Variants in TCF7L2 observed in about 807,000 individuals in gnomAD.
TCF7L2 encodes transcription factor 7 like 2.
In TCF7L2, 23 loss-of-function variants were observed where a neutral mutation model predicts 77.9. The ratio of observed to expected loss-of-function variants is 0.30; its 90% CI spans 0.21 to 0.42. The LOEUF is 0.42. Among genes scored for constraint, TCF7L2 ranks in the 10% least tolerant of loss-of-function variants. The pLI is 1.00. For missense variants in TCF7L2, 654 were observed against 793.1 expected (o/e 0.82, Z 2.11); for synonymous variants, 413 against 340.2 (o/e 1.21, Z -2.36).
chr10:112,975,527 G>C (rs1177486223), intron 4 of TCF7L2, among the ~76,000 whole-genome samples: 12 of 151,918 alleles, frequency 7.9e-5, no homozygotes, highest in Non-Finnish European at 1.5e-5. Context: ...TATTGCTTAG[G>C]CTGGAGTGCA....
chr10:112,954,412 A>C (rs2032940480), intron 3 of TCF7L2, among the ~76,000 whole-genome samples: 1 of 152,246 alleles, frequency 6.6e-6, no homozygotes, highest in South Asian at 2.1e-4. Context: ...TATGATGAAT[A>C]ATACATTATC....
At chr10:113,054,979 T>C (rs2055132605) in intron 5 of TCF7L2, among the ~76,000 whole-genome samples, 1 of 152,230 alleles carries the variant, frequency 6.6e-6, no homozygotes, top group African/African-American at 2.4e-5. Flanking sequence ...TAGTATTTAT[T>C]GTATGCATAT....
intron 4 of TCF7L2, among the ~76,000 whole-genome samples, chr10:113,014,798 A>C (rs2047062686): frequency 6.6e-6 from 1 of 152,084 alleles, no homozygotes; most frequent in South Asian, 2.1e-4. Context: ...AAAAACAAAC[A>C]AACAAACAAA....
chr10:113,052,495 CT>C (rs2054645426), intron 5 of TCF7L2, among the ~76,000 whole-genome samples: 1 of 152,200 alleles, frequency 6.6e-6, no homozygotes, highest in East Asian at 1.9e-4. Flanking sequence ...CAAAAGTTCT[CT>C]GACTCACCAT....
chr10:113,069,738 T>C (rs1319615020), intron 5 of TCF7L2, among the ~76,000 whole-genome samples: 1 of 152,194 alleles, frequency 6.6e-6, no homozygotes, highest in Non-Finnish European at 1.5e-5. Context: ...GGCCCCTCGC[T>C]GGATGTTTCA....
chr10:112,951,682 C>G, intron 3 of TCF7L2, 75 bp downstream of exon 3: 2 of 890,836 alleles, frequency 2.2e-6, no homozygotes, highest in Non-Finnish European at 2.7e-6. Flanking sequence ...CATGCGGCCC[C>G]TGCCCTGCCC....
chr10:113,150,904 T>C lies in TCF7L2; in HGVS notation c.876-94T>C, dbSNP rs974031813. 5.9e-6 allele frequency: 9 copies of C among 1,526,052 alleles called. No homozygotes were observed. The Admixed American group carries it at 1.7e-4, about 28-fold the overall frequency. The allele number at this position is 1,526,052 out of a possible 1,614,324, so 94.5% of individuals were successfully genotyped here. A position where few individuals can be genotyped will look rare whatever the true frequency, so the allele number is the denominator to read the frequency against. ...GGGTTGCTTTCATGTGAGTGTTACG[T>C]GCTGTTTTTTTTTTTCTTTTTAATT... On this transcript the variant is annotated intron_variant, in intron 8 of 13. Transcript: ENST00000627217.
Position 113,165,972 on chromosome 10 carries a change from G to A in TCF7L2, c.1809G>A (p.Ter603=), listed in dbSNP as rs2137658452. Residue 603 remains the stop codon, a stop_retained_variant, in exon 14 of 14, where the codon TAG becomes TAA. Coordinates refer to ENST00000627217, the MANE Select transcript of TCF7L2 (RefSeq NM_001146274.2). The stretch of plus-strand genomic sequence containing the variant: ...CGCTCGTCACCAAGTCTTTAGAATA[G>A]CTTTAGCGTCGTGAACCCCGCTGCT... The A allele has an allele frequency of 1.3e-6, 2 of 1,504,432 alleles. No homozygotes were observed. The highest frequency in any genetic ancestry group is 1.8e-6 in the Non-Finnish European group (2 of 1,125,140). 93.2% of individuals were successfully genotyped at this position (1,504,432 alleles called of 1,614,324 possible). A position where few individuals can be genotyped will look rare whatever the true frequency, so the allele number is the denominator to read the frequency against.
chr10:113,041,259 T>C (rs1054933316), intron 5 of TCF7L2, among the ~76,000 whole-genome samples: 3 of 152,242 alleles, frequency 2.0e-5, no homozygotes, highest in Admixed American at 2.0e-4. Context: ...TTCTCTGGTA[T>C]AAATGAGGCA....
At chr10:113,158,428 G>T (rs2072420358) in intron 12 of TCF7L2, among the ~76,000 whole-genome samples, 4 of 152,072 alleles carry the variant, frequency 2.6e-5, no homozygotes, top group Admixed American at 2.6e-4. Context: ...GGGCTTAGGG[G>T]AGTAGGAGGG....
At chr10:113,095,638 C>T (rs11196224) in intron 5 of TCF7L2, among the ~76,000 whole-genome samples, 47,807 of 152,058 alleles carry the variant, frequency 0.31, 7,657 homozygotes, top group Middle Eastern at 0.44. Flanking sequence ...GCGGAGAAGC[C>T]GGGATCATTT....
chr10:113,122,477 G>A (rs2064959343), intron 5 of TCF7L2, among the ~76,000 whole-genome samples: 1 of 152,218 alleles, frequency 6.6e-6, no homozygotes, highest in Admixed American at 6.5e-5. Flanking sequence ...CACAGAATCT[G>A]TGTAGTACAT....
At chr10:113,135,403 A>G (rs943068006) in intron 5 of TCF7L2, among the ~76,000 whole-genome samples, 11 of 152,152 alleles carry the variant, frequency 7.2e-5, no homozygotes, top group African/African-American at 2.2e-4. Flanking sequence ...TAACTATTCA[A>G]TGCTCAAAAC....
chr10:113,001,784 G>A (rs2044534920), intron 4 of TCF7L2, among the ~76,000 whole-genome samples: 3 of 152,194 alleles, frequency 2.0e-5, no homozygotes, highest in Admixed American at 2.0e-4. Context: ...TGATTAAACA[G>A]AAGAGATGTG....
In TCF7L2 at chr10:113,047,741, T is replaced by C. The variant is rs888380575; in HGVS notation, c.552+7615T>C. On this transcript the variant is annotated intron_variant, in intron 5 of 13. Transcript: ENST00000627217. ...GGGTCAGGATTATGACCCTGAGTTA[T>C]GTTTCTGGGAAAATGTACCCACTTG... 2.6e-5 allele frequency among the ~76,000 whole-genome samples: 4 copies of C among 152,170 alleles called. No individual in the cohort carries two copies. In the East Asian group the frequency reaches 5.8e-4, roughly 22 times the overall value.
chr10:112,982,784 C>A (rs538960675), intron 4 of TCF7L2, among the ~76,000 whole-genome samples: 23 of 152,150 alleles, frequency 1.5e-4, no homozygotes, highest in African/African-American at 5.3e-4. Flanking sequence ...ACTACCACGC[C>A]CGGCTAATTT....
chr10:113,073,925 T>C (rs936850751), intron 5 of TCF7L2, among the ~76,000 whole-genome samples: 3 of 152,148 alleles, frequency 2.0e-5, no homozygotes, highest in Non-Finnish European at 4.4e-5. Context: ...TGATACGTTA[T>C]AGCATTTCTC....
intron 4 of TCF7L2, among the ~76,000 whole-genome samples, chr10:113,013,496 G>A (rs191400463): frequency 6.8e-4 from 104 of 152,320 alleles, no homozygotes; most frequent in African/African-American, 2.3e-3. Context: ...ATTAATACAG[G>A]GAGGTAAGAC....
intron 5 of TCF7L2, among the ~76,000 whole-genome samples, chr10:113,087,479 T>C (rs2135570965): frequency 6.6e-6 from 1 of 152,352 alleles, no homozygotes; most frequent in South Asian, 2.1e-4. Flanking sequence ...GAGTCATTGC[T>C]GTGGCTGGAC....
Sources: allele counts gnomAD v4.1 joint callset (sites outside exome capture counted in the v4.1 genomes callset), GRCh38; gene constraint gnomAD v4.1.1; transcripts MANE v1.5; gene names NCBI Gene and HGNC (gene_info 2026-07-23, HGNC 2026-07-21).